PTER: variants seen among roughly 807,000 people sequenced by gnomAD.
PTER encodes the protein N-acetyltaurine hydrolase.
A neutral mutation model predicts 29.6 loss-of-function variants in PTER; 38 were observed. That is an observed-to-expected ratio of 1.28 (90% CI 0.99 to 1.68). PTER has a LOEUF of 1.68. PTER is among the 40% of genes most tolerant of loss of function. PTER has a pLI of 0.00. For missense variants in PTER, 482 were observed against 427.8 expected (o/e 1.13, Z -1.12); for synonymous variants, 172 against 154.5 (o/e 1.11, Z -0.84).
At chr10:16,517,335 A>G (rs1836966832), downstream of PTER, among the ~76,000 whole-genome samples, 5 of 152,212 alleles carry the variant, frequency 3.3e-5, no homozygotes. Flanking sequence ...ACCAACCCAC[A>G]AACCACTCAT....
chr10:16,465,643 G>A (rs531806821), intron 1 of PTER, among the ~76,000 whole-genome samples: 2 of 152,252 alleles, frequency 1.3e-5, no homozygotes, highest in African/African-American at 4.8e-5. Context: ...AGAAATATTT[G>A]CTCATTGGTT....
intron 1 of PTER, among the ~76,000 whole-genome samples, chr10:16,481,794 C>T (rs568997542): frequency 5.9e-5 from 9 of 152,280 alleles, no homozygotes; most frequent in Non-Finnish European, 1.0e-4. Context: ...TTCTGCCCCT[C>T]TGTGACTCTC....
intron 1 of PTER, 116 bp from the exon 2 acceptor site, chr10:16,484,221 T>C (rs929738165): frequency 9.4e-6 from 6 of 635,828 alleles, no homozygotes; most frequent in African/African-American, 9.1e-5. Flanking sequence ...TCTAGTTTTA[T>C]TGATTTGCCT....
At chr10:16,479,905 C>T (rs555660831) in intron 1 of PTER, among the ~76,000 whole-genome samples, 39 of 151,630 alleles carry the variant, frequency 2.6e-4, no homozygotes, top group Middle Eastern at 3.4e-3. Flanking sequence ...GATGCCTTCC[C>T]GTTTTTTTGT....
chr10:16,506,127 G>T (rs1836553319), intron 4 of PTER, among the ~76,000 whole-genome samples: 1 of 152,142 alleles, frequency 6.6e-6, no homozygotes, highest in South Asian at 2.1e-4. Flanking sequence ...AATATCAAGG[G>T]AAATAAAGAC....
chr10:16,459,762 A>G (rs1405099884), intron 1 of PTER, among the ~76,000 whole-genome samples: 1 of 151,988 alleles, frequency 6.6e-6, no homozygotes, highest in Non-Finnish European at 1.5e-5. Context: ...TTATTTACTT[A>G]TTTGAGACCA....
At position 16,486,479 on chromosome 10, in the gene PTER, C is replaced by T. The variant is rs1306522797; in HGVS notation, c.560C>T (p.Thr187Ile). ...AGTGAAAGAAAGGTTCTCCAGGCCA[C>T]AGCTCATGCCCAGGCTCAGCTTGGT... ...TESERKVLQA[T>I]AHAQAQLGCP... The change falls in exon 3 of 5, where the codon ACA becomes ATA. Residue 187 changes from threonine (T) to isoleucine (I), a missense_variant. By Grantham distance (89) the Thr-to-Ile change is moderately conservative. Transcript: ENST00000535784. The T allele has an allele frequency of 6.2e-7, 1 of 1,614,072 alleles. No individual in the cohort carries two copies. Among genetic ancestry groups the T allele is most frequent in the Non-Finnish European group, 8.5e-7 (1 of 1,179,994 alleles).
At chr10:16,469,862 G>C (rs1474561502) in intron 1 of PTER, among the ~76,000 whole-genome samples, 1 of 151,668 alleles carries the variant, frequency 6.6e-6, no homozygotes, top group African/African-American at 2.4e-5. Context: ...GTTATAGCAT[G>C]AGCCACCGTG....
At chr10:16,445,527 G>A (rs1390124676) in intron 1 of PTER, among the ~76,000 whole-genome samples, 1 of 152,126 alleles carries the variant, frequency 6.6e-6, no homozygotes, top group African/African-American at 2.4e-5. Context: ...ATGCTTCTCT[G>A]GCATATGACA....
chr10:16,504,352 T>C (rs1049374549), intron 3 of PTER, among the ~76,000 whole-genome samples: 1 of 152,184 alleles, frequency 6.6e-6, no homozygotes, highest in Non-Finnish European at 1.5e-5. Context: ...ATTCTTTATA[T>C]GACATCTATT....
downstream of PTER, among the ~76,000 whole-genome samples, chr10:16,515,013 C>T (rs1396912477): frequency 6.6e-6 from 1 of 152,068 alleles, no homozygotes; most frequent in Non-Finnish European, 1.5e-5. Flanking sequence ...TTTTCTAACT[C>T]CTTCGATCCC....
rs1335117033 is a variant in PTER at position 16,511,229 on chromosome 10, C to A, written c.1023C>A (p.Asn341Lys). 2.0e-5 allele frequency: 33 copies of A among 1,613,866 alleles called. No individual in the cohort carries two copies. The highest frequency in any genetic ancestry group is 2.7e-5 in the Non-Finnish European group (32 of 1,179,930). The change falls in exon 5 of 5, where the codon AAC (asparagine) becomes AAA (lysine). Residue 341 changes from asparagine to lysine, a missense_variant. Coordinates refer to ENST00000535784, the MANE Select transcript of PTER (RefSeq NM_001261836.2). ...ENVLDKILIE[N>K]PKQWLTFK ...TGCTTGATAAGATTCTAATAGAGAACCCTAAGCAATGGCTAACTTTCAAAT... is the reference window on the plus strand; with the variant it reads ...TGCTTGATAAGATTCTAATAGAGAAACCTAAGCAATGGCTAACTTTCAAAT...
chr10:16,507,253 A>G (rs1836611085), intron 4 of PTER, among the ~76,000 whole-genome samples: 1 of 150,012 alleles, frequency 6.7e-6, no homozygotes, highest in Admixed American at 6.7e-5. Flanking sequence ...GTGTATGTGT[A>G]TATATATATG....
intron 1 of PTER, among the ~76,000 whole-genome samples, chr10:16,464,170 A>G (rs1005910549): frequency 2.0e-5 from 3 of 152,228 alleles, no homozygotes; most frequent in Admixed American, 6.5e-5. Context: ...CCAGCAATAT[A>G]GAAAGCTGAG....
At chr10:16,465,812 G>A (rs188287027) in intron 1 of PTER, among the ~76,000 whole-genome samples, 9 of 152,256 alleles carry the variant, frequency 5.9e-5, no homozygotes, top group East Asian at 3.9e-4. Flanking sequence ...CTCAGGAAAC[G>A]TAAAATTGTG....
intron 1 of PTER, among the ~76,000 whole-genome samples, chr10:16,470,222 C>T (rs577178586): frequency 2.6e-5 from 4 of 152,184 alleles, no homozygotes; most frequent in East Asian, 1.9e-4. Flanking sequence ...GCAATGCATT[C>T]GTGAAAATTT....
At chr10:16,444,629 G>C (rs916568796) in intron 1 of PTER, among the ~76,000 whole-genome samples, 6 of 151,972 alleles carry the variant, frequency 3.9e-5, no homozygotes, top group Admixed American at 3.3e-4. Context: ...CAAGGCTCAA[G>C]TGATCCTCCC....
chr10:16,500,513 A>G (rs889831478), intron 3 of PTER, among the ~76,000 whole-genome samples: 1 of 152,180 alleles, frequency 6.6e-6, no homozygotes, highest in Non-Finnish European at 1.5e-5. Flanking sequence ...TGGCTTCCCA[A>G]AGTGCTGGGA....
At chr10:16,514,481 C>T (rs144088545), downstream of PTER, 267 of 1,533,780 alleles carry the variant, frequency 1.7e-4, 1 homozygote, top group African/African-American at 2.9e-3. Flanking sequence ...GTTAGCCATA[C>T]GAATCCAGTG....
Sources: gnomAD v4.1 joint callset for allele counts (sites outside exome capture counted in the v4.1 genomes callset) on GRCh38, gnomAD v4.1.1 for gene constraint, MANE v1.5 for transcripts, NCBI Gene and HGNC (gene_info 2026-07-23, HGNC 2026-07-21) for gene names.